Variants in LRMDA observed in about 807,000 individuals in gnomAD.
LRMDA encodes leucine-rich melanocyte differentiation-associated protein.
In LRMDA, 18 loss-of-function variants were observed where a neutral mutation model predicts 29.8. The ratio of observed to expected loss-of-function variants is 0.60; its 90% CI spans 0.42 to 0.90. LRMDA has a LOEUF of 0.90. LRMDA is among the 40% of genes least tolerant of loss of function. The probability of loss-of-function intolerance (pLI) is 0.00; values close to 1 mark genes in which losing one functional copy is unlikely to be tolerated. For synonymous variants in LRMDA, 125 were observed against 109.4 expected (o/e 1.14, Z -0.89); for missense variants, 273 against 273.9 (o/e 1.00, Z 0.02).
intron 5 of LRMDA, among the ~76,000 whole-genome samples, chr10:76,158,499 G>T (rs1384537134): frequency 6.6e-6 from 1 of 151,936 alleles, no homozygotes; most frequent in Non-Finnish European, 1.5e-5. Context: ...AGAGTAGAAA[G>T]CTCAGTCTTA....
At chr10:75,965,884 C>G (rs1309561191) in intron 2 of LRMDA, among the ~76,000 whole-genome samples, 1 of 152,192 alleles carries the variant, frequency 6.6e-6, no homozygotes, top group African/African-American at 2.4e-5. Flanking sequence ...TGGGTTTATA[C>G]ACATTATAGG....
intron 6 of LRMDA, among the ~76,000 whole-genome samples, chr10:76,420,639 T>G (rs1020610797): frequency 1.3e-5 from 2 of 152,096 alleles, no homozygotes; most frequent in Non-Finnish European, 2.9e-5. Context: ...TAGGCTTTCT[T>G]CTTTTCTAAT....
At chr10:75,692,214 AAAAAAAT>A (rs1477585425) in intron 2 of LRMDA, among the ~76,000 whole-genome samples, 476 of 43,564 alleles carry the variant, frequency 0.011, 5 homozygotes, top group South Asian at 0.044. Flanking sequence ...GGGGGAAAAA[AAAAAAAT>A]ATATATATAT....
At chr10:75,694,842 A>G (rs566544358) in intron 2 of LRMDA, among the ~76,000 whole-genome samples, 31 of 152,286 alleles carry the variant, frequency 2.0e-4, no homozygotes, top group Admixed American at 1.5e-3. Flanking sequence ...ATCGATAGTG[A>G]TTTATGGTGG....
chr10:76,542,035 A>C (rs1589231003), intron 6 of LRMDA, among the ~76,000 whole-genome samples: 1 of 145,994 alleles, frequency 6.8e-6, no homozygotes, highest in East Asian at 1.9e-4. Flanking sequence ...GTATACATGC[A>C]TGCATGTAGG....
chr10:76,425,159 G>T (rs749438836), intron 6 of LRMDA, among the ~76,000 whole-genome samples: 1 of 151,968 alleles, frequency 6.6e-6, no homozygotes, highest in African/African-American at 2.4e-5. Flanking sequence ...ATAACAGATC[G>T]CCATCAAATT....
intron 5 of LRMDA, among the ~76,000 whole-genome samples, chr10:76,178,066 T>C (rs555976787): frequency 6.6e-6 from 1 of 152,342 alleles, no homozygotes; most frequent in East Asian, 1.9e-4. Context: ...CTTGTGCAAA[T>C]GTCTTCTGTG....
In LRMDA at chr10:75,489,133, C is replaced by T. The variant is rs74848740; in HGVS notation, c.131+50639C>T. On this transcript the variant is annotated intron_variant, in intron 2 of 6. Coordinates refer to ENST00000611255, the MANE Select transcript of LRMDA (RefSeq NM_001305581.2). Reference sequence around the variant, plus strand: ...CCAGAGAGGGACCTCCTTGCTGAACCGCCTCGACCATGGAGTAAAGAGTTA... The same window carrying T: ...CCAGAGAGGGACCTCCTTGCTGAACTGCCTCGACCATGGAGTAAAGAGTTA... 4.6e-3 allele frequency among the ~76,000 whole-genome samples: 699 copies of T among 151,788 alleles called. 36 individuals are homozygous for T. The East Asian group carries it at 0.11, about 24-fold the overall frequency.
chr10:75,561,003 G>T (rs997925001), intron 2 of LRMDA, among the ~76,000 whole-genome samples: 19 of 150,006 alleles, frequency 1.3e-4, no homozygotes, highest in Admixed American at 3.3e-4. Context: ...CTCTTTTTTG[G>T]TTGTGTCTCT....
intron 5 of LRMDA, among the ~76,000 whole-genome samples, chr10:76,098,241 A>G (rs755174001): frequency 7.9e-5 from 12 of 152,262 alleles, no homozygotes; most frequent in South Asian, 2.1e-4. Context: ...TTCTCTACTT[A>G]TATGTTTGGT....
At chr10:76,320,046 A>G (rs993081964) in intron 5 of LRMDA, among the ~76,000 whole-genome samples, 1 of 152,190 alleles carries the variant, frequency 6.6e-6, no homozygotes, top group Non-Finnish European at 1.5e-5. Context: ...TTTTCATTGA[A>G]TGCACCTATT....
chr10:76,063,550 G>T (rs978809894), intron 5 of LRMDA, among the ~76,000 whole-genome samples: 6 of 152,198 alleles, frequency 3.9e-5, no homozygotes, highest in South Asian at 4.2e-4. Context: ...ATACTTGGGA[G>T]GGTGGGCTAT....
chr10:75,893,841 G>C (rs1200797423), intron 2 of LRMDA, among the ~76,000 whole-genome samples: 1 of 151,348 alleles, frequency 6.6e-6, no homozygotes, highest in Non-Finnish European at 1.5e-5. Context: ...GGCTGAGGCA[G>C]AGAGTTGCTT....
chr10:76,501,176 G>A lies in LRMDA; in HGVS notation c.602-56033G>A, dbSNP rs866697269. 7.8e-5 allele frequency among the ~76,000 whole-genome samples: 2 copies of A among 25,590 alleles called. 1 individual carries two copies. The highest frequency in any genetic ancestry group is 4.7e-4 in the Non-Finnish European group (2 of 4,218). 16.8% of individuals were successfully genotyped at this position (25,590 alleles called of 152,430 possible). On this transcript the variant is annotated intron_variant, in intron 6 of 6. Coordinates refer to ENST00000611255, the MANE Select transcript of LRMDA (RefSeq NM_001305581.2). ...TTATTTTGTTTAGGATTAGCCTGCCGCTGTATCCATGTTGCTGCAAATGAC... is the reference window on the plus strand; with the variant it reads ...TTATTTTGTTTAGGATTAGCCTGCCACTGTATCCATGTTGCTGCAAATGAC...
chr10:75,653,045 G>A (rs1841619426), intron 2 of LRMDA, among the ~76,000 whole-genome samples: 1 of 152,118 alleles, frequency 6.6e-6, no homozygotes. Context: ...TTAAAATAAG[G>A]TGGTCACATT....
At chr10:76,376,495 TA>T (rs1226473190) in intron 6 of LRMDA, among the ~76,000 whole-genome samples, 3 of 152,214 alleles carry the variant, frequency 2.0e-5, no homozygotes, top group Admixed American at 2.0e-4. Context: ...ATTGATTTTA[TA>T]ACTTTACTAT....
intron 2 of LRMDA, among the ~76,000 whole-genome samples, chr10:75,792,830 A>G (rs1239662857): frequency 6.6e-6 from 1 of 152,236 alleles, no homozygotes; most frequent in Non-Finnish European, 1.5e-5. Flanking sequence ...GAGTTGATAT[A>G]TGAAAAGTGC....
intron 5 of LRMDA, among the ~76,000 whole-genome samples, chr10:76,134,992 A>G (rs942833440): frequency 6.6e-6 from 1 of 152,258 alleles, no homozygotes; most frequent in African/African-American, 2.4e-5. Context: ...TTGAAAATTT[A>G]AAAACAGTAT....
At chr10:75,433,522 T>A (rs1379163890) in intron 1 of LRMDA, among the ~76,000 whole-genome samples, 1 of 152,180 alleles carries the variant, frequency 6.6e-6, no homozygotes, top group Non-Finnish European at 1.5e-5. Flanking sequence ...GATTTGAGTG[T>A]CTGGCCCCGG....
Sources: gnomAD v4.1 joint callset for allele counts (sites outside exome capture counted in the v4.1 genomes callset) on GRCh38, gnomAD v4.1.1 for gene constraint, MANE v1.5 for transcripts, NCBI Gene and HGNC (gene_info 2026-07-23, HGNC 2026-07-21) for gene names.